The following GAREM1 variants were observed in gnomAD, a reference collection of about 807,000 sequenced individuals.
GAREM1 encodes the protein GRB2 associated regulator of MAPK1 subtype 1.
In GAREM1, 26 loss-of-function variants were observed where a neutral mutation model predicts 71.3. The ratio of observed to expected loss-of-function variants is 0.36; its 90% CI spans 0.27 to 0.51. The LOEUF (loss-of-function observed/expected upper bound fraction) is 0.51. Ranked by LOEUF, GAREM1 falls within the 20% of genes least tolerant of loss-of-function variation. The pLI is 0.95. For synonymous variants in GAREM1, 440 were observed against 433.2 expected (o/e 1.02, Z -0.20); for missense variants, 1,026 against 1,103.1 (o/e 0.93, Z 0.99).
At chr18:32,311,430 C>G (rs992071768) in intron 2 of GAREM1, among the ~76,000 whole-genome samples, 6 of 152,192 alleles carry the variant, frequency 3.9e-5, no homozygotes, top group African/African-American at 1.4e-4. Context: ...TAACACAAAT[C>G]TCTGTTCTTC....
intron 1 of GAREM1, among the ~76,000 whole-genome samples, chr18:32,442,631 A>C (rs1037330036): frequency 6.6e-6 from 1 of 152,172 alleles, no homozygotes; most frequent in South Asian, 2.1e-4. Context: ...CTCAACTTTA[A>C]TATGTATGTT....
intron 1 of GAREM1, chr18:32,413,286 A>G: frequency 7.4e-7 from 1 of 1,342,592 alleles, no homozygotes; most frequent in South Asian, 1.3e-5. Context: ...GGAGTCACTC[A>G]CATTAAGTAG....
chr18:32,406,699 T>C (rs150337945), intron 1 of GAREM1, among the ~76,000 whole-genome samples: 8 of 152,270 alleles, frequency 5.3e-5, no homozygotes, highest in African/African-American at 1.9e-4. Flanking sequence ...AGGAAGGATG[T>C]GGTTACAGGA....
chr18:32,456,258 C>T (rs1443507429), intron 1 of GAREM1, among the ~76,000 whole-genome samples: 1 of 151,828 alleles, frequency 6.6e-6, no homozygotes, highest in Admixed American at 6.6e-5. Flanking sequence ...AACAAGCAAG[C>T]CAACAACAGA....
intron 2 of GAREM1, among the ~76,000 whole-genome samples, chr18:32,334,754 C>T (rs2047572629): frequency 1.3e-5 from 2 of 152,176 alleles, no homozygotes; most frequent in South Asian, 4.1e-4. Flanking sequence ...GAGCTAAACA[C>T]AGAAATACAA....
At chr18:32,350,848 G>A (rs1208970493) in intron 2 of GAREM1, among the ~76,000 whole-genome samples, 1 of 152,028 alleles carries the variant, frequency 6.6e-6, no homozygotes, top group Non-Finnish European at 1.5e-5. Flanking sequence ...AAGTTTTATG[G>A]CATATCAGGA....
chr18:32,433,614 G>A (rs1438636461), intron 1 of GAREM1, among the ~76,000 whole-genome samples: 2 of 152,006 alleles, frequency 1.3e-5, no homozygotes, highest in East Asian at 3.9e-4. Flanking sequence ...TAGCAAAGCT[G>A]AAGAATATCA....
intron 2 of GAREM1, among the ~76,000 whole-genome samples, chr18:32,331,972 C>T (rs2047539325): frequency 6.6e-6 from 1 of 151,106 alleles, no homozygotes; most frequent in Admixed American, 6.6e-5. Context: ...GGTCTTTTCC[C>T]TCCTCCCTTG....
At chr18:32,425,676 C>G (rs1032395637) in intron 1 of GAREM1, among the ~76,000 whole-genome samples, 2 of 152,198 alleles carry the variant, frequency 1.3e-5, no homozygotes, top group African/African-American at 4.8e-5. Context: ...GGCTTGTACC[C>G]TACCTCCTAA....
intron 1 of GAREM1, among the ~76,000 whole-genome samples, chr18:32,429,098 G>A (rs891601664): frequency 7.2e-5 from 11 of 152,184 alleles, no homozygotes; most frequent in East Asian, 1.9e-4. Flanking sequence ...GAGGGGGAAC[G>A]GGCAAGGTAA....
At chr18:32,292,726 C>T (rs1034575437) in intron 3 of GAREM1, among the ~76,000 whole-genome samples, 4 of 152,140 alleles carry the variant, frequency 2.6e-5, no homozygotes, top group Non-Finnish European at 5.9e-5. Flanking sequence ...CCAGAGGCCT[C>T]CCCAGCCATG....
intron 1 of GAREM1, chr18:32,413,049 C>T: frequency 6.3e-7 from 1 of 1,597,064 alleles, no homozygotes; most frequent in Non-Finnish European, 8.5e-7. Context: ...CATTACCACA[C>T]AGTCCGTGAG....
intron 4 of GAREM1, among the ~76,000 whole-genome samples, chr18:32,272,278 C>T (rs1357358024): frequency 6.6e-6 from 1 of 152,196 alleles, no homozygotes; most frequent in Non-Finnish European, 1.5e-5. Context: ...GCCCAGTAAA[C>T]CCAACTCTAA....
At chr18:32,274,654 A>T (rs905203342) in intron 4 of GAREM1, among the ~76,000 whole-genome samples, 8 of 152,094 alleles carry the variant, frequency 5.3e-5, no homozygotes, top group Admixed American at 1.3e-4. Flanking sequence ...GGTCCATGCA[A>T]AGTGGTGGAC....
chr18:32,441,785 G>A (rs2048740583), intron 1 of GAREM1, among the ~76,000 whole-genome samples: 1 of 152,186 alleles, frequency 6.6e-6, no homozygotes, highest in South Asian at 2.1e-4. Flanking sequence ...AGAAAGAAAA[G>A]TGCTCTTAGA....
In GAREM1 at chr18:32,432,706, A is replaced by G. The variant is rs1169313712; in HGVS notation, c.121+37602T>C. Among the ~76,000 whole-genome samples, 8 of 152,252 alleles carry G rather than the reference A, an allele frequency of 5.3e-5. No homozygotes were observed. The East Asian group carries it at 1.5e-3, about 29-fold the overall frequency. ...TTCACAGTTTAGATAAAATAGACCA[A>G]TTTCTTGAAAATCACAAACTGCCAA... On this transcript the variant is annotated intron_variant, in intron 1 of 5. Coordinates refer to ENST00000269209, the MANE Select transcript of GAREM1 (RefSeq NM_001242409.2).
intron 1 of GAREM1, chr18:32,412,378 T>C: frequency 6.3e-7 from 1 of 1,589,842 alleles, no homozygotes; most frequent in South Asian, 1.1e-5. Context: ...GACTGATTGT[T>C]GTAATTGCCA....
intron 1 of GAREM1, among the ~76,000 whole-genome samples, chr18:32,419,335 G>A (rs1329006300): frequency 2.0e-5 from 3 of 152,106 alleles, no homozygotes; most frequent in Non-Finnish European, 4.4e-5. Context: ...TTCTCCCAAA[G>A]TGCATGTTGA....
At chr18:32,291,422 A>G (rs2047085401) in intron 3 of GAREM1, among the ~76,000 whole-genome samples, 1 of 151,922 alleles carries the variant, frequency 6.6e-6, no homozygotes, top group African/African-American at 2.4e-5. Flanking sequence ...TACCTTTCTG[A>G]GTATACCTTG....
Sources: gnomAD v4.1 joint callset for allele counts (sites outside exome capture counted in the v4.1 genomes callset) on GRCh38, gnomAD v4.1.1 for gene constraint, MANE v1.5 for transcripts, NCBI Gene and HGNC (gene_info 2026-07-23, HGNC 2026-07-21) for gene names.